RIOK2: variants seen among roughly 807,000 people sequenced by gnomAD.
The protein encoded by RIOK2 is RIO kinase 2, also known as serine/threonine-protein kinase RIO2.
Under a neutral mutation model 62.4 loss-of-function variants are expected in RIOK2, and 46 were observed. The observed-to-expected ratio is 0.74, with a 90% CI of 0.58 to 0.94. The LOEUF (loss-of-function observed/expected upper bound fraction) is 0.94, where lower values mean the gene tolerates loss of function less well. Among genes scored for constraint, RIOK2 ranks in the 40% least tolerant of loss-of-function variants. RIOK2 has a pLI of 0.00. For missense variants in RIOK2, 574 were observed against 658.0 expected, an observed-to-expected ratio of 0.87 and a Z score of 1.40; for synonymous variants, 197 against 216.0, an observed-to-expected ratio of 0.91 and a Z score of 0.77.
chr5:97,165,244 GAA>G, intron 8 of RIOK2, 97 bp from the exon 9 acceptor site: 1 of 521,900 alleles, frequency 1.9e-6, no homozygotes, highest in Non-Finnish European at 3.0e-6. Flanking sequence ...CAGCAAAACT[GAA>G]GACATAAAAT....
chr5:97,173,772 C>G (rs1382143919), intron 4 of RIOK2, among the ~76,000 whole-genome samples: 2 of 152,128 alleles, frequency 1.3e-5, no homozygotes, highest in East Asian at 3.8e-4. Flanking sequence ...ACTTTTTCTC[C>G]AGGCCACAAT....
rs1748742671 is a variant in RIOK2, at chr5:97,162,996, G to A, written c.*65C>T. 7.5e-7 allele frequency: 1 copy of A among 1,331,330 alleles called. No individual in the cohort carries two copies. The highest frequency in any genetic ancestry group is 1.5e-5 in the African/African-American group (1 of 67,394). 82.5% of individuals were successfully genotyped at this position (1,331,330 alleles called of 1,614,324 possible). ...GCCTTGGCTCAAAAAAGACAAATGAGGGCTCAAAAAGGAATTACAGTAACT... is the reference window on the plus strand; with the variant it reads ...GCCTTGGCTCAAAAAAGACAAATGAAGGCTCAAAAAGGAATTACAGTAACT... On this transcript the variant is annotated 3_prime_UTR_variant, in exon 10 of 10. Coordinates refer to ENST00000283109, the MANE Select transcript of RIOK2 (RefSeq NM_018343.3).
rs1748740938 is a variant in RIOK2, at chr5:97,162,911, GAC to G, written c.*148_*149del. ...TTTGGCAGGTAATTATTCTTTGCAA[GAC>G]ACATACTGAATGACCAAATTTATAG... On this transcript the variant is annotated 3_prime_UTR_variant, in exon 10 of 10. Coordinates refer to ENST00000283109, the MANE Select transcript of RIOK2 (RefSeq NM_018343.3). 1.6e-6 allele frequency: 1 copy of G among 642,018 alleles called. No individual in the cohort carries two copies. The highest frequency in any genetic ancestry group is 3.3e-5 in the Admixed American group (1 of 30,298). The allele number at this position is 642,018 out of a possible 1,614,324, so 39.8% of individuals were successfully genotyped here.
At chr5:97,169,329 A>C (rs1748932609) in intron 6 of RIOK2, among the ~76,000 whole-genome samples, 1 of 152,232 alleles carries the variant, frequency 6.6e-6, no homozygotes, top group African/African-American at 2.4e-5. Context: ...CTACTGAATT[A>C]TGTTTATGTA....
rs546882824 is a variant in RIOK2 at position 97,172,046 on chromosome 5, C to A, written c.588-649G>T. 7.2e-5 allele frequency among the ~76,000 whole-genome samples: 11 copies of A among 152,300 alleles called. No homozygotes were observed. The East Asian group carries it at 2.1e-3, about 29-fold the overall frequency. On this transcript the variant is annotated intron_variant, in intron 5 of 9. Transcript: ENST00000283109. ...TTCTCTCCAGGTGTTCTTCCTTCCT[C>A]ACAGATCATACCTTCTTAGTCTTTT...
chr5:97,178,353 C>CTTCATGCTT (rs1332901829), intron 2 of RIOK2, among the ~76,000 whole-genome samples: 1 of 4,194 alleles, frequency 2.4e-4, no homozygotes, highest in African/African-American at 6.4e-4. Flanking sequence ...TCTTCATGCT[C>CTTCATGCTT]TTCTACAGTA....
At chr5:97,163,298 A>G (rs1748753738) in intron 9 of RIOK2, 73 bp from the exon 10 acceptor site, 2 of 1,210,066 alleles carry the variant, frequency 1.7e-6, no homozygotes, top group African/African-American at 3.0e-5. Context: ...TATCTGTTCT[A>G]TTTATATATT....
intron 1 of RIOK2, among the ~76,000 whole-genome samples, chr5:97,180,078 C>CAAT (rs1200266886): frequency 1.0e-4 from 1 of 9,838 alleles, no homozygotes. Context: ...AGGTAAAAAG[C>CAAT]ACATATATAT....
intron 9 of RIOK2, 181 bp downstream of exon 9, chr5:97,164,870 C>A: frequency 2.6e-6 from 1 of 385,554 alleles, no homozygotes; most frequent in Non-Finnish European, 4.6e-6. Flanking sequence ...ACAACTCTAC[C>A]ACATCCTTTG....
At chr5:97,174,071 T>C (rs940459775) in intron 4 of RIOK2, among the ~76,000 whole-genome samples, 1 of 152,240 alleles carries the variant, frequency 6.6e-6, no homozygotes, top group African/African-American at 2.4e-5. Flanking sequence ...ATACCTAACC[T>C]ATTCTATGTA....
At chr5:97,174,337 G>C (rs316196) in intron 4 of RIOK2, among the ~76,000 whole-genome samples, 51,316 of 152,144 alleles carry the variant, frequency 0.34, 10,128 homozygotes, top group East Asian at 0.47. Flanking sequence ...GGAGAATCGC[G>C]TGAACCCGGG....
At position 97,177,219 on chromosome 5, in the gene RIOK2, A is replaced by G; in HGVS notation, c.395T>C (p.Phe132Ser). 1 of 1,613,716 alleles carries G rather than the reference A, an allele frequency of 6.2e-7. No individual in the cohort carries two copies. Among genetic ancestry groups the G allele is most frequent in the Non-Finnish European group, 8.5e-7 (1 of 1,179,832 alleles). Reference sequence around the variant, plus strand: ...ATCGCGTTTGTTTTTCAAATTTCGAAACGAGGTTCTTCCTAGTCTGTGAAG... The same window carrying G: ...ATCGCGTTTGTTTTTCAAATTTCGAGACGAGGTTCTTCCTAGTCTGTGAAG... ...LKLHRLGRTS[F>S]RNLKNKRDYH... The change falls in exon 4 of 10, where the codon TTT becomes TCT. Residue 132 changes from phenylalanine to serine, a missense_variant. Transcript: ENST00000283109.
chr5:97,173,008 T>C (rs772111918), intron 5 of RIOK2, among the ~76,000 whole-genome samples, 167 bp downstream of exon 5: 8 of 152,220 alleles, frequency 5.3e-5, no homozygotes, highest in Non-Finnish European at 7.3e-5. Context: ...AAAGTTCATA[T>C]TGTCAGAATG....
Position 97,179,105 on chromosome 5 carries a change from A to C in RIOK2, c.155T>G (p.Val52Gly), listed in dbSNP as rs1338189891. The C allele has an allele frequency of 3.1e-6, 5 of 1,613,844 alleles. No homozygotes were observed. The highest frequency in any genetic ancestry group is 1.6e-4 in the Middle Eastern group (1 of 6,082). Residue 52 changes from valine (V) to glycine (G), a missense_variant, in exon 2 of 10, where the codon GTT becomes GGT. By Grantham distance (109) the Val-to-Gly change is moderately radical (BLOSUM62 -3). Coordinates refer to ENST00000283109, the MANE Select transcript of RIOK2 (RefSeq NM_018343.3). ...ASLKHGGCNK[V>G]LRELVKHKLI... ...TTTATGTTTCACTAATTCTCTTAAA[A>C]CTTTATTACAGCCACCATGTTTAAG...
At position 97,167,381 on chromosome 5, in the gene RIOK2, A is replaced by G. The variant is rs535495877; in HGVS notation, c.1397+86T>C. On this transcript the variant is annotated intron_variant, in intron 8 of 9. Coordinates refer to ENST00000283109, the MANE Select transcript of RIOK2 (RefSeq NM_018343.3). ...TGGCAGAATACAATTTTGTCACATC[A>G]TTTGAAAAAAACATTCTTTTACTAG... The G allele has an allele frequency of 3.3e-6, 5 of 1,528,206 alleles. No individual in the cohort carries two copies. The East Asian group carries it at 9.1e-5, about 28-fold the overall frequency. 94.7% of individuals were successfully genotyped at this position (1,528,206 alleles called of 1,614,324 possible).
At chr5:97,178,802 G>A (rs200881072) in intron 2 of RIOK2, 18 of 475,966 alleles carry the variant, frequency 3.8e-5, no homozygotes, top group Middle Eastern at 5.6e-4. Flanking sequence ...AGTACTCTAC[G>A]TGCTCTTCTG....
Position 97,163,070 on chromosome 5 carries a change from C to T in RIOK2, c.1650G>A (p.Trp550Ter), listed in dbSNP as rs201824946. The change falls in exon 10 of 10, where the codon TGG becomes TGA. Residue 550 changes from tryptophan to a stop codon, truncating the protein, a stop_gained. Transcript: ENST00000283109. LOFTEE classifies it high-confidence loss of function. ...CAAGATCCTAAATATATTATTCTCC[C>T]CAAAAGCTGGCTGCTTCCAAACTTG... The part of the protein sequence containing the change: ...IKSSLEAASF[W>*]GE The T allele has an allele frequency of 1.9e-6, 3 of 1,611,166 alleles. No homozygotes were observed.
At chr5:97,179,266 C>T (rs767926967) in intron 1 of RIOK2, 73 bp from the exon 2 acceptor site, 68 of 1,469,924 alleles carry the variant, frequency 4.6e-5, no homozygotes, top group Non-Finnish European at 5.3e-5. Flanking sequence ...GCGAAATTAA[C>T]TTCTCCTTGA....
At chr5:97,169,368 T>C (rs1748933494) in intron 6 of RIOK2, among the ~76,000 whole-genome samples, 1 of 152,202 alleles carries the variant, frequency 6.6e-6, no homozygotes, top group Non-Finnish European at 1.5e-5. Context: ...CGATTTGCAA[T>C]AACACCCAAA....
Sources: gnomAD v4.1 joint callset for allele counts (sites outside exome capture counted in the v4.1 genomes callset) on GRCh38, gnomAD v4.1.1 for gene constraint, MANE v1.5 for transcripts, NCBI Gene and HGNC (gene_info 2026-07-23, HGNC 2026-07-21) for gene names.